CES5A: variants seen among roughly 807,000 people sequenced by gnomAD.
CES5A encodes carboxylesterase 5A, also known as carboxylesterase 5.
CES5A carries 67 observed loss-of-function variants against 62.9 expected under a neutral mutation model. The ratio of observed to expected loss-of-function variants is 1.07; its 90% CI spans 0.88 to 1.31. The LOEUF is 1.31. CES5A is among the 50% of genes most tolerant of loss of function. The pLI, the probability that CES5A is intolerant of heterozygous loss-of-function variation, is 0.00. For synonymous variants in CES5A, 296 were observed against 280.8 expected (o/e 1.05, Z -0.54); for missense variants, 748 against 708.5 (o/e 1.06, Z -0.63).
At chr16:55,876,480 C>G (rs1305221693), upstream of CES5A, among the ~76,000 whole-genome samples, 3 of 152,124 alleles carry the variant, frequency 2.0e-5, no homozygotes, top group African/African-American at 7.2e-5. Flanking sequence ...CCTTTCTGTA[C>G]AGTGGATTTT....
Position 55,938,819 on chromosome 16 carries a change from C to T in CES5A, c.160+10966G>A, listed in dbSNP as rs7405117. On this transcript the variant is annotated intron_variant, in intron 2 of 13. Transcript: ENST00000521992. ...ATATACACACATATATATATATACA[C>T]ACACATATATATATATACACATATA... 2.1e-4 allele frequency among the ~76,000 whole-genome samples: 21 copies of T among 100,984 alleles called. No individual in the cohort carries two copies. In the East Asian group the frequency reaches 2.7e-3, roughly 13 times the overall value. 66.2% of individuals were successfully genotyped at this position (100,984 alleles called of 152,430 possible).
chr16:55,846,234 T>C lies in CES5A; in HGVS notation c.*217A>G. ...ACTAATAGGCCAGCCCTCTTCCAAA[T>C]TTATTGAAGAAATCTTGTTGCCTTC... On this transcript the variant is annotated 3_prime_UTR_variant, in exon 13 of 13. Transcript: ENST00000290567. 1.7e-6 allele frequency: 1 copy of C among 584,250 alleles called. No individual in the cohort carries two copies. The highest frequency in any genetic ancestry group is 2.1e-5 in the South Asian group (1 of 46,918). 36.2% of individuals were successfully genotyped at this position (584,250 alleles called of 1,614,324 possible).
intron 2 of CES5A, among the ~76,000 whole-genome samples, chr16:55,944,860 T>C (rs1447642113): frequency 6.6e-6 from 1 of 152,146 alleles, no homozygotes; most frequent in African/African-American, 2.4e-5. Flanking sequence ...CACTTAATGA[T>C]ATCTACTTGT....
At chr16:55,895,211 T>C (rs1378843118) in intron 1 of CES5A, among the ~76,000 whole-genome samples, 9 of 152,140 alleles carry the variant, frequency 5.9e-5, no homozygotes, top group Middle Eastern at 3.2e-3. Flanking sequence ...TGTTTTTTTT[T>C]CCCCCAGGAA....
intron 2 of CES5A, among the ~76,000 whole-genome samples, chr16:55,933,119 G>T (rs755695424): frequency 7.2e-5 from 11 of 152,200 alleles, no homozygotes; most frequent in Non-Finnish European, 1.5e-4. Flanking sequence ...GGAATACATG[G>T]CCTTCAAGGC....
rs138901687 is a variant in CES5A at position 55,917,293 on chromosome 16, C to G, written c.-256+8030G>C. 8.1e-4 allele frequency among the ~76,000 whole-genome samples: 124 copies of G among 152,346 alleles called. 2 individuals are homozygous for G. In the East Asian group the frequency reaches 0.021, roughly 25 times the overall value. On this transcript the variant is annotated intron_variant, in intron 1 of 12. Coordinates refer to the CES5A transcript ENST00000518005. ...CTATTGCTGCCTCACAAATTACCCCCTAAATTTAGTGGTTTAAAACAATGA... is the reference window on the plus strand; with the variant it reads ...CTATTGCTGCCTCACAAATTACCCCGTAAATTTAGTGGTTTAAAACAATGA...
At chr16:55,906,895 C>A (rs1287961232) in intron 1 of CES5A, among the ~76,000 whole-genome samples, 1 of 152,188 alleles carries the variant, frequency 6.6e-6, no homozygotes, top group Non-Finnish European at 1.5e-5. Context: ...GACAGTCCCA[C>A]CTCATGCTAG....
In CES5A at chr16:55,895,576, C is replaced by T. The variant is rs79861535; in HGVS notation, c.-255-21539G>A. ...TGTCTACCATTATATCTTGGAAGTG[C>T]CTGTGCTACCATTGTTATCTTGGAA... On this transcript the variant is annotated intron_variant, in intron 1 of 12. Coordinates refer to the CES5A transcript ENST00000518005. Among the ~76,000 whole-genome samples, 16 of 152,268 alleles carry T rather than the reference C, an allele frequency of 1.1e-4. No individual in the cohort carries two copies. In the East Asian group the frequency reaches 2.9e-3, roughly 28 times the overall value.
chr16:55,878,155 T>C (rs1481541987), upstream of CES5A, among the ~76,000 whole-genome samples: 4 of 152,102 alleles, frequency 2.6e-5, no homozygotes, highest in Non-Finnish European at 5.9e-5. Context: ...AAAACCAAGA[T>C]GAGGGCTAAG....
chr16:55,898,441 T>A (rs945129439), intron 1 of CES5A, among the ~76,000 whole-genome samples: 4 of 152,184 alleles, frequency 2.6e-5, no homozygotes, highest in Non-Finnish European at 5.9e-5. Context: ...TAGTTCTGCT[T>A]ATTTTCAGGA....
chr16:55,869,522 G>T (rs192678162), intron 4 of CES5A, 89 bp downstream of exon 4: 9 of 1,463,572 alleles, frequency 6.1e-6, no homozygotes, highest in African/African-American at 5.7e-5. Context: ...CGGAAGGCTC[G>T]CTCCTTCTTA....
intron 9 of CES5A, among the ~76,000 whole-genome samples, chr16:55,853,797 G>T (rs1390836148): frequency 2.6e-5 from 4 of 152,188 alleles, no homozygotes; most frequent in African/African-American, 9.7e-5. Context: ...GGCAGAGAGT[G>T]CATGGTAAAT....
At position 55,861,510 on chromosome 16, in the gene CES5A, C is replaced by T. The variant is rs1374666472; in HGVS notation, c.817G>A (p.Val273Met). 2 of 1,609,824 alleles carry T rather than the reference C, an allele frequency of 1.2e-6. No homozygotes were observed. The highest frequency in any genetic ancestry group is 2.7e-5 in the African/African-American group (2 of 74,840). ...HDYEKSEDLQVVAHFCGNNAS... is the reference protein window; with the variant it reads ...HDYEKSEDLQMVAHFCGNNAS... Reference sequence around the variant, plus strand: ...TTGTTACCACAGAAATGTGCAACCACCTGCAGCTATTTTGTAGAGAAGGAC... The same window carrying T: ...TTGTTACCACAGAAATGTGCAACCATCTGCAGCTATTTTGTAGAGAAGGAC... The change falls in exon 7 of 13, where the codon GTG becomes ATG. Residue 273 changes from valine to methionine, a missense_variant. Val to Met is a conservative substitution (Grantham distance 21, BLOSUM62 1). Coordinates refer to ENST00000290567, the MANE Select transcript of CES5A (RefSeq NM_001143685.2).
At chr16:55,932,703 G>A (rs1216872104) in intron 2 of CES5A, among the ~76,000 whole-genome samples, 1 of 152,178 alleles carries the variant, frequency 6.6e-6, no homozygotes, top group African/African-American at 2.4e-5. Context: ...CAAAGACCCT[G>A]CAAAAAGAAA....
At chr16:55,955,762 A>G (rs1597166765) in intron 1 of CES5A, 2 of 1,457,052 alleles carry the variant, frequency 1.4e-6, no homozygotes, top group Admixed American at 4.0e-5. Context: ...GTAAATTTGC[A>G]TCTAATCTAA....
chr16:55,923,406 T>G (rs1322373042), intron 1 of CES5A, among the ~76,000 whole-genome samples: 2 of 151,682 alleles, frequency 1.3e-5, no homozygotes, highest in Non-Finnish European at 3.0e-5. Flanking sequence ...TCCAACAAAT[T>G]GGAAAACCTA....
chr16:55,852,035 T>C (rs1286208793), intron 10 of CES5A, among the ~76,000 whole-genome samples: 1 of 152,146 alleles, frequency 6.6e-6, no homozygotes, highest in Non-Finnish European at 1.5e-5. Flanking sequence ...ATGGTGGTTA[T>C]TGGGGTCTGG....
chr16:55,866,178 G>C lies in CES5A; in HGVS notation c.552-62C>G, dbSNP rs769380739. On this transcript the variant is annotated intron_variant, in intron 4 of 12. Coordinates refer to ENST00000290567, the MANE Select transcript of CES5A (RefSeq NM_001143685.2). Reference sequence around the variant, plus strand: ...CCATGGTGTGTTTCCCACAGCCCTGGAAGTTCTCAGCAGAGGCTGTGGGCA... The same window carrying C: ...CCATGGTGTGTTTCCCACAGCCCTGCAAGTTCTCAGCAGAGGCTGTGGGCA... The C allele has an allele frequency of 6.7e-5, 103 of 1,534,556 alleles. No homozygotes were observed. In the Admixed American group the frequency reaches 1.9e-3, roughly 29 times the overall value.
chr16:55,941,533 G>A (rs2034446231), intron 2 of CES5A, among the ~76,000 whole-genome samples: 1 of 152,000 alleles, frequency 6.6e-6, no homozygotes, highest in Non-Finnish European at 1.5e-5. Context: ...TACAATGTCA[G>A]TTCTTCCCAA....
Sources: allele counts gnomAD v4.1 joint callset (sites outside exome capture counted in the v4.1 genomes callset), GRCh38; gene constraint gnomAD v4.1.1; transcripts MANE v1.5; gene names NCBI Gene and HGNC (gene_info 2026-07-23, HGNC 2026-07-21).